CALD1: variants seen among roughly 807,000 people sequenced by gnomAD.
CALD1 encodes the protein caldesmon.
A neutral mutation model predicts 99.9 loss-of-function variants in CALD1; 33 were observed. The ratio of observed to expected loss-of-function variants is 0.33; its 90% CI spans 0.25 to 0.44. The LOEUF is 0.44. Ranked by LOEUF, CALD1 falls within the 20% of genes least tolerant of loss-of-function variation. CALD1 has a pLI of 1.00. For missense variants in CALD1, 861 were observed against 962.1 expected, an observed-to-expected ratio of 0.89 and a Z score of 1.39; for synonymous variants, 310 against 325.0, an observed-to-expected ratio of 0.95 and a Z score of 0.50.
intron 3 of CALD1, among the ~76,000 whole-genome samples, chr7:134,870,440 T>C (rs1432506284): frequency 6.6e-6 from 1 of 152,202 alleles, no homozygotes. Context: ...GTTCAGGACT[T>C]TGCTTAAGAA....
chr7:134,752,286 A>G (rs2131564166), intron 1 of CALD1, among the ~76,000 whole-genome samples: 1 of 152,350 alleles, frequency 6.6e-6, no homozygotes, highest in South Asian at 2.1e-4. Flanking sequence ...GCCTGATGCC[A>G]AAGAAATTTG....
chr7:134,717,825 T>TA, the CALD1 span, among the ~76,000 whole-genome samples: 1 of 152,164 alleles, frequency 6.6e-6, no homozygotes, highest in Non-Finnish European at 1.5e-5. Flanking sequence ...TTTCAAGAAT[T>TA]AAAAAACAAA....
intron 5 of CALD1, 23 bp from the exon 6 acceptor site, chr7:134,935,664 CT>C: frequency 1.3e-6 from 2 of 1,595,564 alleles, no homozygotes; most frequent in Non-Finnish European, 1.7e-6. Context: ...CTTGTGTGAC[CT>C]TACCATTCTT....
chr7:134,824,539 A>G (rs1035925285), intron 1 of CALD1, among the ~76,000 whole-genome samples: 1 of 151,970 alleles, frequency 6.6e-6, no homozygotes, highest in Non-Finnish European at 1.5e-5. Flanking sequence ...AGGATTGGTT[A>G]AGATCTGCAT....
At chr7:134,763,743 C>T (rs528150431) in intron 1 of CALD1, among the ~76,000 whole-genome samples, 1 of 151,898 alleles carries the variant, frequency 6.6e-6, no homozygotes, top group South Asian at 2.1e-4. Context: ...CATGGTGAAA[C>T]CCCGTCTCTA....
chr7:134,901,932 G>A (rs1343242953), intron 3 of CALD1, among the ~76,000 whole-genome samples: 1 of 151,992 alleles, frequency 6.6e-6, no homozygotes, highest in Non-Finnish European at 1.5e-5. Context: ...TTCCAAATCA[G>A]GTCACATCCT....
the CALD1 span, among the ~76,000 whole-genome samples, chr7:134,729,265 C>T: frequency 1.2e-4 from 19 of 152,268 alleles, no homozygotes; most frequent in Admixed American, 7.8e-4. Flanking sequence ...TCATACAAGC[C>T]CTATCATAGA....
chr7:134,769,731 G>A (rs1025020952), intron 1 of CALD1, among the ~76,000 whole-genome samples: 7 of 152,014 alleles, frequency 4.6e-5, no homozygotes, highest in Non-Finnish European at 8.8e-5. Context: ...TCCGCCTCCC[G>A]GGTTCAAGCA....
intron 3 of CALD1, chr7:134,920,650 A>C (rs1156915154): frequency 7.8e-7 from 1 of 1,289,364 alleles, no homozygotes. Context: ...TTCTTATATG[A>C]AAGTGGACAG....
chr7:134,801,644 G>T (rs1032283893), intron 1 of CALD1, among the ~76,000 whole-genome samples: 1 of 151,896 alleles, frequency 6.6e-6, no homozygotes, highest in Non-Finnish European at 1.5e-5. Flanking sequence ...TTTTGAAACA[G>T]GGTCTCACTC....
the CALD1 span, among the ~76,000 whole-genome samples, chr7:134,736,745 T>C: frequency 2.6e-5 from 4 of 152,236 alleles, no homozygotes; most frequent in African/African-American, 9.6e-5. Context: ...AGTTTCACTA[T>C]GCATCTTTGC....
chr7:134,892,954 G>C (rs1019058770), intron 3 of CALD1, among the ~76,000 whole-genome samples: 8 of 150,468 alleles, frequency 5.3e-5, no homozygotes, highest in Admixed American at 2.0e-4. Flanking sequence ...AGAAACCACT[G>C]ATCTCATTGA....
the CALD1 span, among the ~76,000 whole-genome samples, chr7:134,731,811 C>T: frequency 6.6e-6 from 1 of 152,180 alleles, no homozygotes; most frequent in Non-Finnish European, 1.5e-5. Flanking sequence ...CTCCTCTTTG[C>T]AGTCTGGCTT....
intron 1 of CALD1, among the ~76,000 whole-genome samples, chr7:134,772,117 C>G (rs1342612958): frequency 7.5e-6 from 1 of 133,194 alleles, no homozygotes; most frequent in Non-Finnish European, 1.6e-5. Flanking sequence ...TTTTTTGAGA[C>G]AGGGTCTCAC....
chr7:134,846,921 T>A (rs1221228861), intron 2 of CALD1, among the ~76,000 whole-genome samples: 2 of 152,226 alleles, frequency 1.3e-5, no homozygotes, highest in Non-Finnish European at 2.9e-5. Flanking sequence ...ACTAATTATA[T>A]CAAATGAGAA....
At chr7:134,860,773 T>C (rs1160141998) in intron 2 of CALD1, among the ~76,000 whole-genome samples, 2 of 152,194 alleles carry the variant, frequency 1.3e-5, no homozygotes, top group Non-Finnish European at 2.9e-5. Context: ...TCAACATGAA[T>C]TATAGATATT....
chr7:134,836,732 G>T (rs944422389), intron 1 of CALD1, among the ~76,000 whole-genome samples: 4 of 152,130 alleles, frequency 2.6e-5, no homozygotes, highest in Non-Finnish European at 4.4e-5. Flanking sequence ...GACCGCAAAC[G>T]ACTTTCTCTT....
chr7:134,887,650 A>T (rs1021652991), intron 3 of CALD1, among the ~76,000 whole-genome samples: 5 of 150,184 alleles, frequency 3.3e-5, no homozygotes, highest in African/African-American at 1.2e-4. Flanking sequence ...GCATGTCTGT[A>T]TGTGTGTGCA....
At chr7:134,954,852 C>G (rs376684251) in intron 9 of CALD1, among the ~76,000 whole-genome samples, 18 of 152,312 alleles carry the variant, frequency 1.2e-4, no homozygotes, top group Admixed American at 7.8e-4. Context: ...ATGCCCTTTC[C>G]TGGCTAAGCC....
Sources: gnomAD v4.1 joint callset for allele counts (sites outside exome capture counted in the v4.1 genomes callset) on GRCh38, gnomAD v4.1.1 for gene constraint, MANE v1.5 for transcripts, NCBI Gene and HGNC (gene_info 2026-07-23, HGNC 2026-07-21) for gene names.